The following INVS variants were observed in gnomAD, a reference collection of about 807,000 sequenced individuals.
The protein encoded by INVS is inversion of embryo turning homolog.
Under a neutral mutation model 108.8 loss-of-function variants are expected in INVS, and 86 were observed. The ratio of observed to expected loss-of-function variants is 0.79; its 90% CI spans 0.66 to 0.95. INVS has a LOEUF of 0.95. INVS is among the 40% of genes least tolerant of loss of function. INVS has a pLI of 0.00. For synonymous variants in INVS, 455 were observed against 473.5 expected, an observed-to-expected ratio of 0.96 and a Z score of 0.51; for missense variants, 1,169 against 1,297.4, an observed-to-expected ratio of 0.90 and a Z score of 1.52.
chr9:100,160,736 A>G (rs1829143581), intron 3 of INVS, among the ~76,000 whole-genome samples: 2 of 152,242 alleles, frequency 1.3e-5, no homozygotes, highest in South Asian at 2.1e-4. Flanking sequence ...ATTTGGGCTC[A>G]AAATATTACC....
intron 3 of INVS, among the ~76,000 whole-genome samples, chr9:100,176,510 A>T (rs1333396678): frequency 6.6e-6 from 1 of 152,008 alleles, no homozygotes; most frequent in African/African-American, 2.4e-5. Flanking sequence ...GGAGTCTCGC[A>T]CTGCTGCCTG....
Position 100,185,516 on chromosome 9 carries a change from AATATAT to A in INVS, c.274-40509_274-40504del, listed in dbSNP as rs35603398. Among the ~76,000 whole-genome samples the A allele has an allele frequency of 6.4e-3, 710 of 110,778 alleles. 13 individuals are homozygous for A. Among genetic ancestry groups the A allele is most frequent in the African/African-American group, 0.016 (512 of 31,086 alleles). The allele number at this position is 110,778 out of a possible 152,430, so 72.7% of individuals were successfully genotyped here. The stretch of plus-strand genomic sequence containing the variant: ...ACACTTCATTTTGTATATGCATAGA[AATATAT>A]ATATATATATATATATATATATATA... On this transcript the variant is annotated intron_variant, in intron 3 of 16. Transcript: ENST00000262457.
rs777487066 is a variant in INVS at position 100,292,321 on chromosome 9, T to C, written c.2069-5T>C. 6.2e-7 allele frequency: 1 copy of C among 1,613,442 alleles called. No homozygotes were observed. ...TGGACAATATTTTTTCTTTGTTTCC[T>C]CAAGAAACAGCCAGAGAACATTCTA... On this transcript the variant is annotated splice_polypyrimidine_tract_variant and splice_region_variant and intron_variant, in intron 13 of 16. Coordinates refer to ENST00000262457, the MANE Select transcript of INVS (RefSeq NM_014425.5).
At chr9:100,289,292 T>C (rs921861049) in intron 13 of INVS, among the ~76,000 whole-genome samples, 6 of 152,256 alleles carry the variant, frequency 3.9e-5, no homozygotes. Flanking sequence ...CAGCAATTTC[T>C]TTTCTGCTCT....
intron 2 of INVS, among the ~76,000 whole-genome samples, chr9:100,122,605 A>G (rs1442680833): frequency 1.4e-5 from 1 of 71,278 alleles, no homozygotes; most frequent in Non-Finnish European, 2.3e-5. Flanking sequence ...TTTTTTTGAG[A>G]CAGAGTCTCG....
chr9:100,145,141 G>A (rs1213327214), intron 3 of INVS, among the ~76,000 whole-genome samples: 2 of 152,064 alleles, frequency 1.3e-5, no homozygotes, highest in African/African-American at 4.8e-5. Context: ...TGAGAACACA[G>A]GCTAAGGGAG....
chr9:100,132,192 C>T (rs932631541), intron 3 of INVS, among the ~76,000 whole-genome samples: 2 of 151,198 alleles, frequency 1.3e-5, no homozygotes, highest in Non-Finnish European at 2.9e-5. Flanking sequence ...TAGCTTCTGC[C>T]ACTTAATAAA....
At chr9:100,266,612 G>C (rs556494274) in intron 11 of INVS, among the ~76,000 whole-genome samples, 1 of 152,128 alleles carries the variant, frequency 6.6e-6, no homozygotes, top group East Asian at 1.9e-4. Context: ...TTATCAGCAA[G>C]GTCTTTATGA....
At chr9:100,290,261 T>C (rs1334564254) in intron 13 of INVS, among the ~76,000 whole-genome samples, 1 of 152,242 alleles carries the variant, frequency 6.6e-6, no homozygotes, top group African/African-American at 2.4e-5. Flanking sequence ...ACTCAACTCC[T>C]GCAGGTAATC....
chr9:100,254,009 T>G (rs1303161601), intron 10 of INVS, among the ~76,000 whole-genome samples: 1 of 152,204 alleles, frequency 6.6e-6, no homozygotes, highest in African/African-American at 2.4e-5. Flanking sequence ...CCACAATGGT[T>G]GAACTAGTTT....
chr9:100,181,919 T>G (rs1256155414), intron 3 of INVS, among the ~76,000 whole-genome samples: 1 of 152,002 alleles, frequency 6.6e-6, no homozygotes, highest in Non-Finnish European at 1.5e-5. Flanking sequence ...AAAACAGAGA[T>G]ATAGACCAAT....
At chr9:100,123,820 C>T (rs1404358042) in intron 2 of INVS, among the ~76,000 whole-genome samples, 1 of 151,988 alleles carries the variant, frequency 6.6e-6, no homozygotes, top group Non-Finnish European at 1.5e-5. Flanking sequence ...GAAGTGGTAT[C>T]TTATATTGTG....
chr9:100,140,710 G>A (rs1472061841), intron 3 of INVS, among the ~76,000 whole-genome samples: 3 of 152,138 alleles, frequency 2.0e-5, no homozygotes, highest in African/African-American at 4.8e-5. Context: ...GGGCTGCTTC[G>A]AGCGGAATTA....
At chr9:100,181,645 A>T (rs537545391) in intron 3 of INVS, among the ~76,000 whole-genome samples, 2 of 152,244 alleles carry the variant, frequency 1.3e-5, no homozygotes, top group East Asian at 3.9e-4. Flanking sequence ...AACATTCCAT[A>T]CTCATAGATA....
chr9:100,270,290 T>C (rs1832910841), intron 11 of INVS, among the ~76,000 whole-genome samples: 1 of 152,198 alleles, frequency 6.6e-6, no homozygotes, highest in Non-Finnish European at 1.5e-5. Flanking sequence ...CAATTTTTTA[T>C]GTTTCCAAAA....
intron 12 of INVS, among the ~76,000 whole-genome samples, chr9:100,282,294 G>A (rs1337207002): frequency 6.6e-6 from 1 of 152,086 alleles, no homozygotes; most frequent in Non-Finnish European, 1.5e-5. Flanking sequence ...AGGCTGTCCG[G>A]CTGGCCTGTA....
intron 3 of INVS, among the ~76,000 whole-genome samples, chr9:100,149,049 CA>C (rs11333350): frequency 0.48 from 69,648 of 144,834 alleles, 17,169 homozygotes; most frequent in East Asian, 0.87. Context: ...TTCACTGTAG[CA>C]AAAAAAAAAA....
At chr9:100,178,586 G>A (rs1829786469) in intron 3 of INVS, among the ~76,000 whole-genome samples, 1 of 152,120 alleles carries the variant, frequency 6.6e-6, no homozygotes, top group African/African-American at 2.4e-5. Context: ...GACAAGATTA[G>A]AGAAAAAAAG....
At chr9:100,146,232 G>C (rs112362081) in intron 3 of INVS, among the ~76,000 whole-genome samples, 8,731 of 152,220 alleles carry the variant, frequency 0.057, 353 homozygotes, top group Non-Finnish European at 0.087. Context: ...AAGGAAGATG[G>C]GGTGGGGCCG....
Sources: allele counts gnomAD v4.1 joint callset (sites outside exome capture counted in the v4.1 genomes callset), GRCh38; gene constraint gnomAD v4.1.1; transcripts MANE v1.5; gene names NCBI Gene and HGNC (gene_info 2026-07-23, HGNC 2026-07-21).